The following ILDR2 variants were observed in gnomAD, a reference collection of about 807,000 sequenced individuals.
The protein encoded by ILDR2 is immunoglobulin-like domain-containing receptor 2.
A neutral mutation model predicts 66.8 loss-of-function variants in ILDR2; 25 were observed. The observed-to-expected ratio is 0.37, with a 90% CI of 0.27 to 0.52. The LOEUF (loss-of-function observed/expected upper bound fraction) is 0.52. ILDR2 is among the 20% of genes least tolerant of loss of function. ILDR2 has a pLI of 0.88. For synonymous variants in ILDR2, 367 were observed against 357.2 expected (o/e 1.03, Z -0.31); for missense variants, 827 against 876.8 (o/e 0.94, Z 0.72).
chr1:166,897,703 A>T (rs1216945907), intron 2 of ILDR2, among the ~76,000 whole-genome samples: 1 of 152,336 alleles, frequency 6.6e-6, no homozygotes, highest in East Asian at 1.9e-4. Flanking sequence ...GGTAATATAC[A>T]TCAATGTCCT....
rs201174941 is a variant in ILDR2, at chr1:166,935,052, TG to T, written c.880+248del. ...AATAATCAACATTCAAGGGATATCT[TG>T]TCTCTTTTCTTACAGTTCTAGTAAT... On this transcript the variant is annotated intron_variant, in intron 6 of 9. Transcript: ENST00000271417. Among the ~76,000 whole-genome samples, 814 of 152,310 alleles carry T rather than the reference TG, an allele frequency of 5.3e-3. 3 individuals carry two copies. Among genetic ancestry groups the T allele is most frequent in the African/African-American group, 0.019 (769 of 41,566 alleles).
chr1:166,939,676 G>T, intron 3 of ILDR2, 106 bp from the exon 4 acceptor site: 1 of 821,834 alleles, frequency 1.2e-6, no homozygotes, highest in Non-Finnish European at 2.1e-6. Context: ...GGCCATTAGT[G>T]CATGCTCTTT....
intron 1 of ILDR2, among the ~76,000 whole-genome samples, chr1:166,974,837 C>CTT (rs1383330239): frequency 6.6e-6 from 1 of 152,216 alleles, no homozygotes; most frequent in Non-Finnish European, 1.5e-5. Context: ...TCTGAGCTTC[C>CTT]TTTATTCCAG....
Position 166,936,882 on chromosome 1 carries a change from C to T in ILDR2, c.557-145G>A. The T allele has an allele frequency of 1.3e-6, 1 of 743,588 alleles. No homozygotes were observed. 46.1% of individuals were successfully genotyped at this position (743,588 alleles called of 1,614,324 possible). ...CTCTTAACAGGAGACAGAGCCCCAACACTCAAGAGGAACTCTGAGAGTCAG... is the reference window on the plus strand; with the variant it reads ...CTCTTAACAGGAGACAGAGCCCCAATACTCAAGAGGAACTCTGAGAGTCAG... On this transcript the variant is annotated intron_variant, in intron 4 of 9. Coordinates refer to ENST00000271417, the MANE Select transcript of ILDR2 (RefSeq NM_199351.3). This position sits in a 1 kb window ranked among gnomAD's most constrained non-coding sequence, Gnocchi z 5.0.
intron 3 of ILDR2, among the ~76,000 whole-genome samples, chr1:166,944,623 G>GT (rs959138917): frequency 6.6e-6 from 1 of 152,068 alleles, no homozygotes; most frequent in Non-Finnish European, 1.5e-5. Flanking sequence ...ATTTCCCCAA[G>GT]TTTTTTTACA....
chr1:166,966,825 G>A (rs1662984252), intron 1 of ILDR2, among the ~76,000 whole-genome samples: 1 of 152,132 alleles, frequency 6.6e-6, no homozygotes, highest in Admixed American at 6.6e-5. Flanking sequence ...TCAGACTTCT[G>A]GGATGGAACA....
Position 166,915,565 on chromosome 1 carries a change from G to A in ILDR2, c.*3790C>T, listed in dbSNP as rs1042321548. ...TTGGGAAACACTAATCAGCAGAAAAGATCCAGAGGTTGGGAGTCTAAAGAC... is the reference window on the plus strand; with the variant it reads ...TTGGGAAACACTAATCAGCAGAAAAAATCCAGAGGTTGGGAGTCTAAAGAC... On this transcript the variant is annotated 3_prime_UTR_variant, in exon 10 of 10. Coordinates refer to ENST00000271417, the MANE Select transcript of ILDR2 (RefSeq NM_199351.3). 2 of 152,158 alleles carry A rather than the reference G, an allele frequency of 1.3e-5. No homozygotes were observed. The highest frequency in any genetic ancestry group is 4.8e-5 in the African/African-American group (2 of 41,448). 9.4% of individuals were successfully genotyped at this position (152,158 alleles called of 1,614,324 possible).
chr1:166,931,106 T>C (rs1660616139), intron 6 of ILDR2, among the ~76,000 whole-genome samples: 1 of 152,200 alleles, frequency 6.6e-6, no homozygotes, highest in Non-Finnish European at 1.5e-5. Flanking sequence ...ACTTCAATTT[T>C]TGGAGAGGGG....
chr1:166,899,279 G>C (rs1449336287), intron 2 of ILDR2, among the ~76,000 whole-genome samples: 1 of 151,550 alleles, frequency 6.6e-6, no homozygotes, highest in African/African-American at 2.4e-5. Context: ...TGTAGTCCCA[G>C]CTACTTGGGA....
At position 166,921,475 on chromosome 1, in the gene ILDR2, C is replaced by A; in HGVS notation, c.1212-96G>T. 1 of 1,035,958 alleles carries A rather than the reference C, an allele frequency of 9.7e-7. No homozygotes were observed. The highest frequency in any genetic ancestry group is 1.7e-5 in the South Asian group (1 of 58,674). 64.2% of individuals were successfully genotyped at this position (1,035,958 alleles called of 1,614,324 possible). A position where few individuals can be genotyped will look rare whatever the true frequency, so the allele number is the denominator to read the frequency against. ...ACCCATCGTGTCCTGGGGCCACGCT[C>A]AGGAGACCTCGGCCTGAGCCTCAGC... On this transcript the variant is annotated intron_variant, in intron 8 of 9. Coordinates refer to ENST00000271417, the MANE Select transcript of ILDR2 (RefSeq NM_199351.3). The surrounding 1 kb of genome is among the most constrained non-coding windows in gnomAD (Gnocchi z 5.3).
At position 166,910,243 on chromosome 1, in the gene ILDR2, T is replaced by G. The variant is rs1659446832; in HGVS notation, c.*9112A>C. On this transcript the variant is annotated 3_prime_UTR_variant, in exon 10 of 10. Transcript: ENST00000271417. ...AAATAGCTTTAAATCACAAAAGGCATGCACCTAAATCCCACTTGATCCCAA... is the reference window on the plus strand; with the variant it reads ...AAATAGCTTTAAATCACAAAAGGCAGGCACCTAAATCCCACTTGATCCCAA... The G allele has an allele frequency of 6.6e-6, 1 of 152,144 alleles. No individual in the cohort carries two copies. The highest frequency in any genetic ancestry group is 6.5e-5 in the Admixed American group (1 of 15,270). 9.4% of individuals were successfully genotyped at this position (152,144 alleles called of 1,614,324 possible). A position where few individuals can be genotyped will look rare whatever the true frequency, so the allele number is the denominator to read the frequency against.
chr1:166,921,592 G>GC lies in ILDR2; in HGVS notation c.1212-214dup, dbSNP rs1659947230. Reference sequence around the variant, plus strand: ...CGAGTCTATTCCACTCGTGTGCCACGCATCAAAATGGGGTTGTGTGGATAG... The same window carrying GC: ...CGAGTCTATTCCACTCGTGTGCCACGCCATCAAAATGGGGTTGTGTGGATAG... On this transcript the variant is annotated intron_variant, in intron 8 of 9. Coordinates refer to ENST00000271417, the MANE Select transcript of ILDR2 (RefSeq NM_199351.3). The surrounding 1 kb of genome is among the most constrained non-coding windows in gnomAD (Gnocchi z 5.3). Among the ~76,000 whole-genome samples, 2 of 152,224 alleles carry GC rather than the reference G, an allele frequency of 1.3e-5. No individual in the cohort carries two copies. Among genetic ancestry groups the GC allele is most frequent in the African/African-American group, 2.4e-5 (1 of 41,458 alleles).
intron 1 of ILDR2, among the ~76,000 whole-genome samples, chr1:166,964,705 C>G (rs749009403): frequency 1.6e-4 from 25 of 152,108 alleles, no homozygotes; most frequent in Non-Finnish European, 2.5e-4. Flanking sequence ...GTAGGTACCT[C>G]GTCACCAGTC....
At chr1:166,902,088 G>C (rs776355070) in intron 2 of ILDR2, among the ~76,000 whole-genome samples, 4 of 152,186 alleles carry the variant, frequency 2.6e-5, no homozygotes, top group Non-Finnish European at 4.4e-5. Flanking sequence ...TCAAACTCCC[G>C]ACCTCAGGTG....
chr1:166,939,504 G>T lies in ILDR2; in HGVS notation c.556+10C>A. 2 of 1,610,696 alleles carry T rather than the reference G, an allele frequency of 1.2e-6. No individual in the cohort carries two copies. The highest frequency in any genetic ancestry group is 2.2e-5 in the South Asian group (2 of 90,934). On this transcript the variant is annotated intron_variant, in intron 4 of 9. Coordinates refer to ENST00000271417, the MANE Select transcript of ILDR2 (RefSeq NM_199351.3). Reference sequence around the variant, plus strand: ...AAATCAAGCAAATAAAGAGTTAAATGACCGAATACCTGGCATAATCTCCAC... The same window carrying T: ...AAATCAAGCAAATAAAGAGTTAAATTACCGAATACCTGGCATAATCTCCAC...
chr1:166,970,210 T>G (rs1663202847), intron 1 of ILDR2, among the ~76,000 whole-genome samples: 2 of 152,222 alleles, frequency 1.3e-5, no homozygotes, highest in Admixed American at 1.3e-4. Context: ...CACATTTAAT[T>G]GTTCAGAGTA....
chr1:166,948,174 A>C (rs1661751428), intron 3 of ILDR2, among the ~76,000 whole-genome samples: 1 of 151,776 alleles, frequency 6.6e-6, no homozygotes, highest in African/African-American at 2.4e-5. Flanking sequence ...GCCGACACTA[A>C]TTTCCCCCCC....
chr1:166,974,947 G>A (rs561209972), intron 1 of ILDR2, among the ~76,000 whole-genome samples: 3 of 152,024 alleles, frequency 2.0e-5, no homozygotes, highest in Non-Finnish European at 2.9e-5. Flanking sequence ...CAACCTCAGC[G>A]CCAATGAGTC....
In ILDR2 at chr1:166,944,747, A is replaced by G. The variant is rs151104430; in HGVS notation, c.500-5177T>C. Among the ~76,000 whole-genome samples, 113 of 152,274 alleles carry G rather than the reference A, an allele frequency of 7.4e-4. 1 individual carries two copies. The highest frequency in any genetic ancestry group is 2.4e-3 in the African/African-American group (99 of 41,562). ...TTACCACAAAGACCACAAGACTGAG[A>G]TATGTTCTGACACAGCCCTGTAAGA... On this transcript the variant is annotated intron_variant, in intron 3 of 9. Transcript: ENST00000271417.
Sources: allele counts gnomAD v4.1 joint callset (sites outside exome capture counted in the v4.1 genomes callset), GRCh38; gene constraint gnomAD v4.1.1; non-coding constraint Gnocchi (gnomAD v3.1); transcripts MANE v1.5; gene names NCBI Gene and HGNC (gene_info 2026-07-23, HGNC 2026-07-21).